Variants in PCDHA1 observed in about 807,000 individuals in gnomAD.
PCDHA1 encodes protocadherin alpha 1.
A neutral mutation model predicts 61.3 loss-of-function variants in PCDHA1; 42 were observed. The observed-to-expected ratio is 0.69, with a 90% CI of 0.54 to 0.89. PCDHA1 has a LOEUF of 0.89. PCDHA1 is among the 40% of genes least tolerant of loss of function. PCDHA1 has a pLI of 0.00. For missense variants in PCDHA1, 1,256 were observed against 1,235.3 expected, an observed-to-expected ratio of 1.02 and a Z score of -0.25; for synonymous variants, 610 against 553.8, an observed-to-expected ratio of 1.10 and a Z score of -1.43.
intron 1 of PCDHA1, chr5:140,926,951 G>A: frequency 3.8e-6 from 6 of 1,596,266 alleles, no homozygotes; most frequent in South Asian, 1.1e-5. Context: ...GCTGCAGCGG[G>A]ACAGCTCGAG....
chr5:140,834,584 G>C (rs2150221913), intron 1 of PCDHA1: 1 of 1,614,122 alleles, frequency 6.2e-7, no homozygotes, highest in Non-Finnish European at 8.5e-7. Flanking sequence ...TCCGGGCGGT[G>C]TGCAAATTCC....
chr5:140,872,950 G>A lies in PCDHA1; in HGVS notation c.2394+84266G>A, dbSNP rs185090422. ...AATGTTTTTGAAATTTTCTTTCCAC[G>A]TAGTATCATCCCATCTGAAGATTTG... On this transcript the variant is annotated intron_variant, in intron 1 of 3. Transcript: ENST00000504120. Among the ~76,000 whole-genome samples, 445 of 152,104 alleles carry A rather than the reference G, an allele frequency of 2.9e-3. 2 individuals carry two copies. Among genetic ancestry groups the A allele is most frequent in the Middle Eastern group, 0.014 (4 of 294 alleles).
chr5:140,848,498 G>A, intron 1 of PCDHA1: 1 of 1,584,262 alleles, frequency 6.3e-7, no homozygotes. Context: ...TATTTGAAAT[G>A]TTATACTCAA....
At chr5:140,941,987 G>A (rs1315027422) in intron 1 of PCDHA1, among the ~76,000 whole-genome samples, 1 of 152,104 alleles carries the variant, frequency 6.6e-6, no homozygotes, top group Non-Finnish European at 1.5e-5. Flanking sequence ...ACCTTGATAA[G>A]GGATTCATAT....
At chr5:140,969,638 G>A (rs1461834971) in intron 1 of PCDHA1, 1 of 210,658 alleles carries the variant, frequency 4.7e-6, no homozygotes, top group African/African-American at 2.4e-5. Context: ...ACAGGCCTTG[G>A]AATAGGGATT....
chr5:140,991,503 T>C (rs975448423), intron 3 of PCDHA1, among the ~76,000 whole-genome samples: 6 of 152,246 alleles, frequency 3.9e-5, no homozygotes, highest in Non-Finnish European at 7.3e-5. Context: ...TGAGTTTCAC[T>C]GGCTAAAATC....
Position 140,822,383 on chromosome 5 carries a change from A to G in PCDHA1, c.2394+33699A>G, listed in dbSNP as rs140694784. The G allele has an allele frequency of 6.7e-5, 108 of 1,614,026 alleles. 1 individual carries two copies. The highest frequency in any genetic ancestry group is 3.3e-4 in the Middle Eastern group (2 of 6,084). Reference sequence around the variant, plus strand: ...TTGAGGAAATCCTTAGATAGAGAAGAAACACAAGAACACCGTTTATTAGTG... The same window carrying G: ...TTGAGGAAATCCTTAGATAGAGAAGGAACACAAGAACACCGTTTATTAGTG... On this transcript the variant is annotated intron_variant, in intron 1 of 3. Coordinates refer to ENST00000504120, the MANE Select transcript of PCDHA1 (RefSeq NM_018900.4).
chr5:140,998,664 A>C (rs1204598567), intron 3 of PCDHA1, among the ~76,000 whole-genome samples: 1 of 151,936 alleles, frequency 6.6e-6, no homozygotes, highest in Non-Finnish European at 1.5e-5. Flanking sequence ...TCCTGGGTTC[A>C]AGTGATTCTC....
intron 1 of PCDHA1, among the ~76,000 whole-genome samples, chr5:140,912,495 GC>G (rs2075942069): frequency 6.6e-6 from 1 of 152,084 alleles, no homozygotes. Context: ...AGATCTAGGA[GC>G]TTTTTGGATG....
intron 1 of PCDHA1, chr5:140,969,617 A>G (rs2096348108): frequency 4.3e-6 from 3 of 705,552 alleles, no homozygotes; most frequent in Non-Finnish European, 6.8e-6. Context: ...ACAGATTTGT[A>G]GAGAAACAGG....
intron 1 of PCDHA1, chr5:140,822,615 T>C (rs2150117790): frequency 1.2e-6 from 2 of 1,611,632 alleles, no homozygotes; most frequent in Non-Finnish European, 1.7e-6. Context: ...TGTATTTCTT[T>C]AGTAATCTTG....
intron 1 of PCDHA1, chr5:140,875,367 T>C (rs937879067): frequency 6.9e-7 from 1 of 1,449,048 alleles, no homozygotes; most frequent in Non-Finnish European, 9.1e-7. Context: ...CTGGAAAAAA[T>C]TTACTAAATA....
In PCDHA1 at chr5:140,787,702, G is replaced by A; in HGVS notation, c.1412G>A (p.Gly471Asp). 1 of 1,613,870 alleles carries A rather than the reference G, an allele frequency of 6.2e-7. No individual in the cohort carries two copies. Among genetic ancestry groups the A allele is most frequent in the Non-Finnish European group, 8.5e-7 (1 of 1,179,914 alleles). Residue 471 changes from glycine (G) to aspartate (D), a missense_variant, in exon 1 of 4, where the codon GGC (glycine) becomes GAC (aspartate). Transcript: ENST00000504120. ...TVFVKENNPP[G>D]CHIFTVSARD... The stretch of plus-strand genomic sequence containing the variant: ...TTCGTGAAGGAGAACAACCCGCCGG[G>A]CTGCCACATCTTCACGGTGTCTGCG...
chr5:140,875,265 T>C, intron 1 of PCDHA1: 1 of 1,201,060 alleles, frequency 8.3e-7, no homozygotes, highest in Admixed American at 3.0e-5. Flanking sequence ...GATGTCGCTC[T>C]ACACTCAGAA....
chr5:140,965,879 G>C (rs920261632), intron 1 of PCDHA1, among the ~76,000 whole-genome samples: 1 of 152,216 alleles, frequency 6.6e-6, no homozygotes, highest in Non-Finnish European at 1.5e-5. Flanking sequence ...ACTTGGCCGA[G>C]AGCAGAATTG....
intron 1 of PCDHA1, among the ~76,000 whole-genome samples, chr5:140,916,270 G>A (rs1487301756): frequency 1.3e-5 from 2 of 152,180 alleles, no homozygotes; most frequent in Admixed American, 1.3e-4. Flanking sequence ...GAGCATGCTT[G>A]TTGCTCTACT....
At chr5:140,896,551 A>G (rs1474890462) in intron 1 of PCDHA1, among the ~76,000 whole-genome samples, 1 of 139,892 alleles carries the variant, frequency 7.1e-6, no homozygotes, top group African/African-American at 2.6e-5. Context: ...TTTTTTTTGT[A>G]TTTTAAGTAG....
Position 140,786,983 on chromosome 5 carries a change from C to G in PCDHA1, c.693C>G (p.Thr231=). 4 of 1,614,100 alleles carry G rather than the reference C, an allele frequency of 2.5e-6. No individual in the cohort carries two copies. Among genetic ancestry groups the G allele is most frequent in the South Asian group, 2.2e-5 (2 of 91,070 alleles). Residue 231 remains threonine (T), a synonymous_variant, in exon 1 of 4, where the codon ACC becomes ACG. Transcript: ENST00000504120. ...AAGGTACAGTTGAGCTGCTGATCAC[C>G]GTCCTCGACGTTAATGATAACGCCC... ...ELQGTVELLI[T]VLDVNDNAPL... is the part of the protein sequence containing the mutation.
intron 1 of PCDHA1, chr5:140,848,940 G>C: frequency 6.2e-7 from 1 of 1,607,456 alleles, no homozygotes; most frequent in Non-Finnish European, 8.5e-7. Context: ...CAGGCCGCTT[G>C]ACTCTCGGTT....
Sources: allele counts gnomAD v4.1 joint callset (sites outside exome capture counted in the v4.1 genomes callset), GRCh38; gene constraint gnomAD v4.1.1; transcripts MANE v1.5; gene names NCBI Gene and HGNC (gene_info 2026-07-23, HGNC 2026-07-21).